The following CLPTM1L variants were observed in gnomAD, a reference collection of about 807,000 sequenced individuals.
CLPTM1L encodes CLPTM1 like.
In CLPTM1L, 38 loss-of-function variants were observed where a neutral mutation model predicts 70.9. That is an observed-to-expected ratio of 0.54 (90% confidence interval 0.41 to 0.70). The LOEUF is 0.70. Ranked by LOEUF, CLPTM1L falls within the 30% of genes least tolerant of loss-of-function variation. CLPTM1L has a pLI of 0.00. For synonymous variants in CLPTM1L, 339 were observed against 299.9 expected (o/e 1.13, Z -1.35); for missense variants, 652 against 705.9 (o/e 0.92, Z 0.87).
intron 4 of CLPTM1L, 151 bp downstream of exon 4, chr5:1,338,709 T>C (rs1452571964): frequency 2.5e-6 from 2 of 815,778 alleles, no homozygotes; most frequent in East Asian, 5.3e-5. Context: ...ACAACCTCAA[T>C]GAGGAAGTGG....
intron 13 of CLPTM1L, 101 bp from the exon 14 acceptor site, chr5:1,321,920 C>G: frequency 3.8e-6 from 4 of 1,050,576 alleles, no homozygotes; most frequent in Non-Finnish European, 5.8e-6. Context: ...GCTGCCACGT[C>G]TATGCATAGT....
Position 1,318,134 on chromosome 5 carries a change from C to G in CLPTM1L, c.*235G>C. The stretch of plus-strand genomic sequence containing the variant: ...TCGTGTGCCGGGAGCCACCACAGCT[C>G]AAGGTGACCGGCAGCACCCAGCTCT... On this transcript the variant is annotated 3_prime_UTR_variant, in exon 17 of 17. Transcript: ENST00000320895. This position sits in a 1 kb window ranked among gnomAD's most constrained non-coding sequence, Gnocchi z 8.9. 1.9e-6 allele frequency: 1 copy of G among 539,266 alleles called. No individual in the cohort carries two copies. Among genetic ancestry groups the G allele is most frequent in the East Asian group, 3.1e-5 (1 of 32,242 alleles). 33.4% of individuals were successfully genotyped at this position (539,266 alleles called of 1,614,324 possible).
intron 8 of CLPTM1L, 75 bp downstream of exon 8, chr5:1,331,724 G>T: frequency 7.8e-7 from 1 of 1,286,734 alleles, no homozygotes; most frequent in Non-Finnish European, 1.1e-6. Context: ...AGTGAGGCAG[G>T]CAGCCCTCTA....
chr5:1,331,568 G>A, intron 8 of CLPTM1L: 1 of 401,924 alleles, frequency 2.5e-6, no homozygotes, highest in Non-Finnish European at 4.2e-6. Context: ...CAGGCCCTGA[G>A]CTGTGCAGCC....
intron 8 of CLPTM1L, chr5:1,331,437 C>G (rs995541230): frequency 3.9e-5 from 13 of 329,668 alleles, no homozygotes; most frequent in South Asian, 1.9e-4. Flanking sequence ...GGAACCAAGA[C>G]AGGGGATGTG....
chr5:1,340,573 A>AAGT (rs974438365), intron 3 of CLPTM1L, among the ~76,000 whole-genome samples: 15 of 152,154 alleles, frequency 9.9e-5, no homozygotes, highest in African/African-American at 3.6e-4. Context: ...CCCACTTTTC[A>AAGT]GGACACTGGA....
At chr5:1,329,672 G>A (rs387508) in intron 9 of CLPTM1L, among the ~76,000 whole-genome samples, 111 of 61,472 alleles carry the variant, frequency 1.8e-3, no homozygotes, top group Middle Eastern at 0.014. Context: ...TGGTGGACAG[G>A]GCCTCAGGAC....
intron 6 of CLPTM1L, among the ~76,000 whole-genome samples, chr5:1,334,778 C>CAAAA (rs1428427042): frequency 1.3e-5 from 2 of 152,002 alleles, no homozygotes; most frequent in African/African-American, 2.4e-5. Flanking sequence ...AACAAACAAA[C>CAAAA]AAACAATAAA....
Position 1,320,746 on chromosome 5 carries a change from G to T in CLPTM1L, c.1417-15C>A. Reference sequence around the variant, plus strand: ...GTGTTGAAAGCCTGCAGGGCCAGACGGGAGGAGGGTGAACCCCAGTTGCTG... The same window carrying T: ...GTGTTGAAAGCCTGCAGGGCCAGACTGGAGGAGGGTGAACCCCAGTTGCTG... On this transcript the variant is annotated splice_polypyrimidine_tract_variant and intron_variant, in intron 15 of 16. Transcript: ENST00000320895. 6.9e-7 allele frequency: 1 copy of T among 1,458,242 alleles called. No homozygotes were observed. Among genetic ancestry groups the T allele is most frequent in the Non-Finnish European group, 9.3e-7 (1 of 1,069,844 alleles). 90.3% of individuals were successfully genotyped at this position (1,458,242 alleles called of 1,614,324 possible). A position where few individuals can be genotyped will look rare whatever the true frequency, so the allele number is the denominator to read the frequency against.
chr5:1,338,782 G>A (rs1753745571), intron 4 of CLPTM1L, 78 bp downstream of exon 4: 1 of 1,568,062 alleles, frequency 6.4e-7, no homozygotes. Context: ...CGGTGCAGGA[G>A]TGACCTGCTG....
intron 5 of CLPTM1L, among the ~76,000 whole-genome samples, chr5:1,336,858 G>C (rs1338167555): frequency 3.3e-5 from 5 of 152,218 alleles, no homozygotes; most frequent in Non-Finnish European, 5.9e-5. Flanking sequence ...CAGGGGGACT[G>C]TTCTGAGAGC....
chr5:1,322,163 GGTGTGGGACTCCTACCAGGGAGGACGGCA>G (rs1477350453), intron 13 of CLPTM1L, among the ~76,000 whole-genome samples: 3 of 152,178 alleles, frequency 2.0e-5, no homozygotes, highest in Non-Finnish European at 4.4e-5. Context: ...CCAGGGGTCA[GGTGTGGGACTCCTACCAGGGAGGACGGCA>G]GTGCGGGACC....
At chr5:1,328,721 C>A (rs1365711568) in intron 9 of CLPTM1L, among the ~76,000 whole-genome samples, 1 of 149,924 alleles carries the variant, frequency 6.7e-6, no homozygotes, top group Non-Finnish European at 1.5e-5. Context: ...CCATCCAGCT[C>A]CTCCTCTACA....
Position 1,344,397 on chromosome 5 carries a change from G to C in CLPTM1L, c.217C>G (p.Leu73Val), listed in dbSNP as rs11557118. 6.2e-7 allele frequency: 1 copy of C among 1,613,764 alleles called. No individual in the cohort carries two copies. The highest frequency in any genetic ancestry group is 8.5e-7 in the Non-Finnish European group (1 of 1,179,992). ...TCAAAGTCTTCCACATTCAAGACCA[G>C]GTCGATGTTGTTCTCAGCACCCAGG... ...SHLGAENNID[L>V]VLNVEDFDVE... Residue 73 changes from leucine (L) to valine (V), a missense_variant, in exon 2 of 17, where the codon CTG becomes GTG. By Grantham distance (32) the Leu-to-Val change is conservative. Transcript: ENST00000320895.
rs1751923825 is a variant in CLPTM1L, at chr5:1,317,895, A to G, written c.*474T>C. The G allele has an allele frequency of 6.4e-6, 1 of 155,226 alleles. No homozygotes were observed. The highest frequency in any genetic ancestry group is 2.4e-5 in the African/African-American group (1 of 41,636). 9.6% of individuals were successfully genotyped at this position (155,226 alleles called of 1,614,324 possible). Reference sequence around the variant, plus strand: ...CACAGCCAGAAAAATTTATTTTAAAATAGAAACATACATTAAGCTTTAAAA... The same window carrying G: ...CACAGCCAGAAAAATTTATTTTAAAGTAGAAACATACATTAAGCTTTAAAA... On this transcript the variant is annotated 3_prime_UTR_variant, in exon 17 of 17. Coordinates refer to ENST00000320895, the MANE Select transcript of CLPTM1L (RefSeq NM_030782.5).
rs371713858 is a variant in CLPTM1L at position 1,330,301 on chromosome 5, C to T, written c.1059G>A (p.Ala353=). The change falls in exon 9 of 17, where the codon GCG becomes GCA. Residue 353 remains alanine (A), a synonymous_variant. Transcript: ENST00000320895. ...TCACCTCAATGGCGGCTCCAACACC[C>T]GCCGGGACCAGCACCAGCAGGCTCG... is the stretch of plus-strand genomic sequence containing the variant. The part of the protein sequence containing the change: ...EQTSLLVLVP[A]GVGAAIELWK... 58 of 1,612,814 alleles carry T rather than the reference C, an allele frequency of 3.6e-5. No individual in the cohort carries two copies. The highest frequency in any genetic ancestry group is 2.7e-4 in the African/African-American group (20 of 75,034).
intron 9 of CLPTM1L, 40 bp downstream of exon 9, chr5:1,330,240 C>T (rs754002469): frequency 1.9e-6 from 3 of 1,545,192 alleles, no homozygotes; most frequent in Admixed American, 3.3e-5. Flanking sequence ...CGTGGAGGCA[C>T]ATGGACCTCA....
chr5:1,338,797 G>C lies in CLPTM1L; in HGVS notation c.599+63C>G, dbSNP rs559505987. On this transcript the variant is annotated intron_variant, in intron 4 of 16. Transcript: ENST00000320895. ...CGGTGCAGGAGTGACCTGCTGGCGAGTTCTGGCCAGCCAGGGTCCCAGCAC... is the reference window on the plus strand; with the variant it reads ...CGGTGCAGGAGTGACCTGCTGGCGACTTCTGGCCAGCCAGGGTCCCAGCAC... 8.1e-6 allele frequency: 13 copies of C among 1,600,280 alleles called. No individual in the cohort carries two copies. In the South Asian group the frequency reaches 8.9e-5, roughly 11 times the overall value.
intron 9 of CLPTM1L, 24 bp downstream of exon 9, chr5:1,330,256 T>C (rs758199375): frequency 1.4e-5 from 22 of 1,599,430 alleles, no homozygotes; most frequent in Admixed American, 1.7e-5. Flanking sequence ...CCTCAGACAG[T>C]TCAGGTCACT....
Sources: gnomAD v4.1 joint callset for allele counts (sites outside exome capture counted in the v4.1 genomes callset) on GRCh38, gnomAD v4.1.1 for gene constraint, Gnocchi (gnomAD v3.1) non-coding constraint, MANE v1.5 for transcripts, NCBI Gene and HGNC (gene_info 2026-07-23, HGNC 2026-07-21) for gene names.